OSBPL3: variants seen among roughly 807,000 people sequenced by gnomAD.
OSBPL3 encodes oxysterol-binding protein-related protein 3.
A neutral mutation model predicts 120.1 loss-of-function variants in OSBPL3; 65 were observed. That is an observed-to-expected ratio of 0.54 (90% CI 0.44 to 0.67). OSBPL3 has a LOEUF of 0.67. OSBPL3 is among the 30% of genes least tolerant of loss of function. OSBPL3 has a pLI of 0.00. For synonymous variants in OSBPL3, 416 were observed against 402.6 expected (o/e 1.03, Z -0.40); for missense variants, 1,004 against 1,082.1 (o/e 0.93, Z 1.01).
rs1361839314 is a variant in OSBPL3, at chr7:24,821,013, G to T, written c.1885-775C>A. Among the ~76,000 whole-genome samples, 1 of 152,220 alleles carries T rather than the reference G, an allele frequency of 6.6e-6. No homozygotes were observed. The highest frequency in any genetic ancestry group is 2.4e-5 in the African/African-American group (1 of 41,458). ...TATTCAGCAGTGAAGAGGCTGAAGAGAAAATGGCTCCTCCCTCTATTTCCT... is the reference window on the plus strand; with the variant it reads ...TATTCAGCAGTGAAGAGGCTGAAGATAAAATGGCTCCTCCCTCTATTTCCT... On this transcript the variant is annotated intron_variant, in intron 16 of 22. Coordinates refer to ENST00000313367, the MANE Select transcript of OSBPL3 (RefSeq NM_015550.4). The surrounding 1 kb of genome is among the most constrained non-coding windows in gnomAD (Gnocchi z 5.5).
intron 1 of OSBPL3, among the ~76,000 whole-genome samples, chr7:24,962,234 C>A (rs1000549033): frequency 3.3e-5 from 5 of 151,534 alleles, no homozygotes; most frequent in South Asian, 2.1e-4. Flanking sequence ...ACCTGGGAGG[C>A]GGAGGTTGCA....
chr7:24,918,755 G>C lies in OSBPL3; in HGVS notation c.-149-26134C>G, dbSNP rs1810031063. ...ATCACAGCATAGACTAGAAAATTCAGTAATTCCAATTCCTATGATGACCCT... is the reference window on the plus strand; with the variant it reads ...ATCACAGCATAGACTAGAAAATTCACTAATTCCAATTCCTATGATGACCCT... On this transcript the variant is annotated intron_variant, in intron 1 of 22. Transcript: ENST00000313367. This position sits in a 1 kb window ranked among gnomAD's most constrained non-coding sequence, Gnocchi z 4.3. Among the ~76,000 whole-genome samples, 1 of 152,140 alleles carries C rather than the reference G, an allele frequency of 6.6e-6. No individual in the cohort carries two copies. The highest frequency in any genetic ancestry group is 1.5e-5 in the Non-Finnish European group (1 of 68,024).
In OSBPL3 at chr7:24,797,811, C is replaced by T. The variant is rs1185343167; in HGVS notation, c.*2372G>A. 1.3e-5 allele frequency: 2 copies of T among 152,074 alleles called. No individual in the cohort carries two copies. The highest frequency in any genetic ancestry group is 3.9e-4 in the East Asian group (2 of 5,190). The allele number at this position is 152,074 out of a possible 1,614,324, so 9.4% of individuals were successfully genotyped here. ...TTATTTAACCAGGAGATTTAAAGTCCAGAAAATTAAATTCTACCTTGGTTC... is the reference window on the plus strand; with the variant it reads ...TTATTTAACCAGGAGATTTAAAGTCTAGAAAATTAAATTCTACCTTGGTTC... On this transcript the variant is annotated 3_prime_UTR_variant, in exon 23 of 23. Coordinates refer to ENST00000313367, the MANE Select transcript of OSBPL3 (RefSeq NM_015550.4). The surrounding 1 kb of genome is among the most constrained non-coding windows in gnomAD (Gnocchi z 4.8).
chr7:24,950,877 A>G (rs1356998918), intron 1 of OSBPL3, among the ~76,000 whole-genome samples: 1 of 152,222 alleles, frequency 6.6e-6, no homozygotes, highest in African/African-American at 2.4e-5. Context: ...GACTGTTTAA[A>G]GTCAATGCTC....
In OSBPL3 at chr7:24,955,374, C is replaced by CGCTGGGAATTTTTCCAGT. The variant is rs1814916916; in HGVS notation, c.-150+24494_-150+24511dup. On this transcript the variant is annotated intron_variant, in intron 1 of 22. Coordinates refer to ENST00000313367, the MANE Select transcript of OSBPL3 (RefSeq NM_015550.4). The surrounding 1 kb of genome is among the most constrained non-coding windows in gnomAD (Gnocchi z 4.3). ...AAAAATATACTGAGCACTTACAATG[C>CGCTGGGAATTTTTCCAGT]GCTGGGAATTTTTCCAGTGCTGGGA... is the stretch of plus-strand genomic sequence containing the variant. Among the ~76,000 whole-genome samples, 1 of 152,158 alleles carries CGCTGGGAATTTTTCCAGT rather than the reference C, an allele frequency of 6.6e-6. No homozygotes were observed. The highest frequency in any genetic ancestry group is 1.5e-5 in the Non-Finnish European group (1 of 68,022).
At chr7:24,828,606 G>GGAAAAAAAAAAAAAAAAAAA (rs1795976981) in intron 16 of OSBPL3, among the ~76,000 whole-genome samples, 1 of 32,522 alleles carries the variant, frequency 3.1e-5, no homozygotes, top group Non-Finnish European at 5.3e-5. Flanking sequence ...GACTCTGTCT[G>GGAAAAAAAAAAAAAAAAAAA]AAAAAAAAAA....
At position 24,871,368 on chromosome 7, in the gene OSBPL3, G is replaced by A. The variant is rs1346972878; in HGVS notation, c.267+374C>T. On this transcript the variant is annotated intron_variant, in intron 4 of 22. Transcript: ENST00000313367. This position sits in a 1 kb window ranked among gnomAD's most constrained non-coding sequence, Gnocchi z 4.8. ...CACACCAACTGCCTGGGATTAATTT[G>A]AAAAGGAACTTCTTCACCCAGGGGC... Among the ~76,000 whole-genome samples the A allele has an allele frequency of 6.6e-6, 1 of 152,142 alleles. No homozygotes were observed. Among genetic ancestry groups the A allele is most frequent in the African/African-American group, 2.4e-5 (1 of 41,430 alleles).
At position 24,854,992 on chromosome 7, in the gene OSBPL3, A is replaced by C. The variant is rs866145703; in HGVS notation, c.1028-2358T>G. The stretch of plus-strand genomic sequence containing the variant: ...GACTGCAGTCTCTTGAAATGTTGGC[A>C]GCAGCTCTAGATGATGCTTTACTCT... On this transcript the variant is annotated intron_variant, in intron 10 of 22. Transcript: ENST00000313367. The surrounding 1 kb of genome is among the most constrained non-coding windows in gnomAD (Gnocchi z 4.1). Among the ~76,000 whole-genome samples, 19 of 152,362 alleles carry C rather than the reference A, an allele frequency of 1.2e-4. No individual in the cohort carries two copies. The highest frequency in any genetic ancestry group is 6.8e-3 in the Middle Eastern group (2 of 294).
intron 1 of OSBPL3, among the ~76,000 whole-genome samples, chr7:24,975,698 T>C (rs1420847773): frequency 1.3e-5 from 2 of 152,030 alleles, no homozygotes; most frequent in East Asian, 1.9e-4. Flanking sequence ...GTGAGAGGAA[T>C]AGGGGAAGAT....
rs1254403323 is a variant in OSBPL3 at position 24,899,300 on chromosome 7, T to C, written c.-149-6679A>G. Among the ~76,000 whole-genome samples the C allele has an allele frequency of 6.6e-6, 1 of 152,222 alleles. No individual in the cohort carries two copies. Among genetic ancestry groups the C allele is most frequent in the East Asian group, 1.9e-4 (1 of 5,202 alleles). On this transcript the variant is annotated intron_variant, in intron 1 of 22. Coordinates refer to ENST00000313367, the MANE Select transcript of OSBPL3 (RefSeq NM_015550.4). The surrounding 1 kb of genome is among the most constrained non-coding windows in gnomAD (Gnocchi z 4.0). ...GCCTCAACCACACTGCAACTGTTAA[T>C]ACTGCTGGATTTGCCTTAGCTTTGG...
At chr7:24,951,314 T>A (rs912710769) in intron 1 of OSBPL3, among the ~76,000 whole-genome samples, 4 of 152,184 alleles carry the variant, frequency 2.6e-5, no homozygotes, top group African/African-American at 9.7e-5. Context: ...AAGCAACTCC[T>A]TGCTCAAGTA....
At chr7:24,909,277 C>A (rs1215640568) in intron 1 of OSBPL3, among the ~76,000 whole-genome samples, 1 of 152,218 alleles carries the variant, frequency 6.6e-6, no homozygotes, top group African/African-American at 2.4e-5. Flanking sequence ...GAGGCTTTCA[C>A]TTCTAGCATT....
At chr7:24,905,944 A>ATTGC (rs1392702160) in intron 1 of OSBPL3, among the ~76,000 whole-genome samples, 1 of 152,030 alleles carries the variant, frequency 6.6e-6, no homozygotes, top group Non-Finnish European at 1.5e-5. Flanking sequence ...AGGCAGGAGA[A>ATTGC]TTGCTTGAAT....
chr7:24,850,370 G>C (rs1300067761), intron 11 of OSBPL3, among the ~76,000 whole-genome samples: 3 of 152,196 alleles, frequency 2.0e-5, no homozygotes, highest in Admixed American at 6.5e-5. Context: ...TGTCTTCCCA[G>C]ACACTCACAC....
rs1258584837 is a variant in OSBPL3 at position 24,833,159 on chromosome 7, A to G, written c.1746+1327T>C. On this transcript the variant is annotated intron_variant, in intron 15 of 22. Coordinates refer to ENST00000313367, the MANE Select transcript of OSBPL3 (RefSeq NM_015550.4). The surrounding 1 kb of genome is among the most constrained non-coding windows in gnomAD (Gnocchi z 4.4). ...GGGACAAGTAACAAAGAAGAGTTTA[A>G]AAAATACAGCTTGTTTTTGTCTCCT... Among the ~76,000 whole-genome samples the G allele has an allele frequency of 6.6e-6, 1 of 152,244 alleles. No individual in the cohort carries two copies. Among genetic ancestry groups the G allele is most frequent in the Non-Finnish European group, 1.5e-5 (1 of 68,042 alleles).
At chr7:24,902,288 T>C (rs1038345169) in intron 1 of OSBPL3, among the ~76,000 whole-genome samples, 1 of 152,216 alleles carries the variant, frequency 6.6e-6, no homozygotes, top group African/African-American at 2.4e-5. Flanking sequence ...AATACCCATA[T>C]TACTATCATC....
chr7:24,840,375 A>G (rs1403530165), intron 14 of OSBPL3, among the ~76,000 whole-genome samples: 1 of 152,216 alleles, frequency 6.6e-6, no homozygotes, highest in Non-Finnish European at 1.5e-5. Context: ...GATGACCAGG[A>G]TGATGACCTT....
In OSBPL3 at chr7:24,804,173, G is replaced by T. The variant is rs1256709228; in HGVS notation, c.2567+142C>A. On this transcript the variant is annotated intron_variant, in intron 22 of 22. Transcript: ENST00000313367. The surrounding 1 kb of genome is among the most constrained non-coding windows in gnomAD (Gnocchi z 5.4). ...TGCGGGGGACAGGGCCTGGCACAGAGGAGCAGTACCCCCACGTGGAAGCAG... is the reference window on the plus strand; with the variant it reads ...TGCGGGGGACAGGGCCTGGCACAGATGAGCAGTACCCCCACGTGGAAGCAG... 2 of 943,086 alleles carry T rather than the reference G, an allele frequency of 2.1e-6. No individual in the cohort carries two copies. Among genetic ancestry groups the T allele is most frequent in the Non-Finnish European group, 3.3e-6 (2 of 611,736 alleles). The allele number at this position is 943,086 out of a possible 1,614,324, so 58.4% of individuals were successfully genotyped here.
At chr7:24,911,163 T>G (rs931707940) in intron 1 of OSBPL3, among the ~76,000 whole-genome samples, 6 of 152,232 alleles carry the variant, frequency 3.9e-5, no homozygotes, top group Non-Finnish European at 5.9e-5. Context: ...TGCATCCAAT[T>G]TATACCAAAT....
Sources: allele counts gnomAD v4.1 joint callset (sites outside exome capture counted in the v4.1 genomes callset), GRCh38; gene constraint gnomAD v4.1.1; non-coding constraint Gnocchi (gnomAD v3.1); transcripts MANE v1.5; gene names NCBI Gene and HGNC (gene_info 2026-07-23, HGNC 2026-07-21).